EXOC6B: variants seen among roughly 807,000 people sequenced by gnomAD.
The protein encoded by EXOC6B is exocyst complex component 6B, also known as SEC15 homolog B.
A neutral mutation model predicts 113.5 loss-of-function variants in EXOC6B; 54 were observed. The ratio of observed to expected loss-of-function variants is 0.48; its 90% CI spans 0.38 to 0.60. The LOEUF (loss-of-function observed/expected upper bound fraction) is 0.60. Among genes scored for constraint, EXOC6B ranks in the 20% least tolerant of loss-of-function variants. The probability of loss-of-function intolerance (pLI) is 0.00; values close to 1 mark genes in which losing one functional copy is unlikely to be tolerated. For missense variants in EXOC6B, 797 were observed against 977.5 expected (o/e 0.82, Z 2.46); for synonymous variants, 357 against 339.0 (o/e 1.05, Z -0.58).
chr2:72,666,854 G>C (rs929075741), intron 6 of EXOC6B, among the ~76,000 whole-genome samples: 105 of 149,542 alleles, frequency 7.0e-4, no homozygotes, highest in African/African-American at 2.4e-3. Context: ...TCTGATAAAA[G>C]AGAGGAAAGA....
chr2:72,248,838 A>C (rs1205850902), intron 20 of EXOC6B, among the ~76,000 whole-genome samples: 1 of 152,264 alleles, frequency 6.6e-6, no homozygotes, highest in Non-Finnish European at 1.5e-5. Context: ...TAGGAAAGAA[A>C]AACAGATGAA....
intron 18 of EXOC6B, among the ~76,000 whole-genome samples, chr2:72,381,738 C>T (rs569217333): frequency 6.6e-6 from 1 of 152,206 alleles, no homozygotes; most frequent in East Asian, 1.9e-4. Flanking sequence ...AATGACTCTG[C>T]TTATGGTATG....
chr2:72,224,994 G>GTGTGTGTGTGTATATATATATATA (rs908047817), intron 20 of EXOC6B, among the ~76,000 whole-genome samples: 9 of 137,254 alleles, frequency 6.6e-5, no homozygotes, highest in Non-Finnish European at 1.3e-4. Context: ...GTGTGTGTGT[G>GTGTGTGTGTGTATATATATATATA]TATATATATA....
chr2:72,761,770 T>G (rs1464427138), intron 1 of EXOC6B, among the ~76,000 whole-genome samples: 1 of 152,124 alleles, frequency 6.6e-6, no homozygotes, highest in Non-Finnish European at 1.5e-5. Context: ...GTGCCCATAC[T>G]ATAATTAGTA....
At chr2:72,733,465 T>C (rs1680768536) in intron 2 of EXOC6B, among the ~76,000 whole-genome samples, 1 of 152,140 alleles carries the variant, frequency 6.6e-6, no homozygotes, top group Non-Finnish European at 1.5e-5. Context: ...ATACAGATAT[T>C]CCTCATTTCA....
At chr2:72,756,101 G>A (rs1451638069) in intron 1 of EXOC6B, among the ~76,000 whole-genome samples, 2 of 151,984 alleles carry the variant, frequency 1.3e-5, no homozygotes, top group Non-Finnish European at 2.9e-5. Context: ...GTTGGGGCGG[G>A]GGTTGTCAGG....
At chr2:72,773,474 T>C (rs1573774164) in intron 1 of EXOC6B, among the ~76,000 whole-genome samples, 1 of 150,290 alleles carries the variant, frequency 6.7e-6, no homozygotes, top group African/African-American at 2.4e-5. Context: ...GGCAACTATG[T>C]GAGTTGATGA....
chr2:72,371,631 A>G (rs761615928), intron 19 of EXOC6B, among the ~76,000 whole-genome samples: 16 of 152,176 alleles, frequency 1.1e-4, no homozygotes, highest in Non-Finnish European at 1.9e-4. Context: ...GATAAAATTC[A>G]ACATCCCTTC....
chr2:72,578,765 G>C (rs143995441), intron 6 of EXOC6B, among the ~76,000 whole-genome samples: 1 of 151,980 alleles, frequency 6.6e-6, no homozygotes, highest in Non-Finnish European at 1.5e-5. Flanking sequence ...TGATTTTTCA[G>C]AGATAAATGA....
At chr2:72,705,881 C>T (rs770247913) in intron 6 of EXOC6B, among the ~76,000 whole-genome samples, 2 of 152,194 alleles carry the variant, frequency 1.3e-5, no homozygotes, top group Non-Finnish European at 2.9e-5. Flanking sequence ...GCCTCATTCC[C>T]AATCACTGAG....
In EXOC6B at chr2:72,586,459, C is replaced by T. The variant is rs112260242; in HGVS notation, c.670-10791G>A. On this transcript the variant is annotated intron_variant, in intron 6 of 21. Transcript: ENST00000272427. ...AACAGGCACTTCTCAAAAAAAGACA[C>T]ACCGCAAACTTGGCCAGGCGCGGTG... is the stretch of plus-strand genomic sequence containing the variant. Among the ~76,000 whole-genome samples the T allele has an allele frequency of 5.3e-3, 803 of 152,048 alleles. 14 individuals are homozygous for T. Among genetic ancestry groups the T allele is most frequent in the African/African-American group, 0.018 (737 of 41,506 alleles).
chr2:72,309,016 C>A (rs147102293), intron 20 of EXOC6B, among the ~76,000 whole-genome samples: 30 of 152,028 alleles, frequency 2.0e-4, no homozygotes, highest in African/African-American at 7.2e-4. Flanking sequence ...AGAAATGAGA[C>A]TGATTTAAAA....
intron 20 of EXOC6B, among the ~76,000 whole-genome samples, chr2:72,224,653 A>C (rs937564372): frequency 4.6e-5 from 7 of 152,026 alleles, no homozygotes; most frequent in Non-Finnish European, 8.8e-5. Context: ...TATTTGAGAC[A>C]AAGTCTCGCT....
chr2:72,575,451 C>G (rs1558810236), intron 7 of EXOC6B, 41 bp downstream of exon 7: 10 of 1,574,480 alleles, frequency 6.4e-6, no homozygotes, highest in Non-Finnish European at 6.9e-6. Flanking sequence ...ACTATTTAAG[C>G]TTAAAAATAG....
intron 6 of EXOC6B, among the ~76,000 whole-genome samples, chr2:72,671,247 G>A (rs1274209930): frequency 1.3e-5 from 2 of 152,150 alleles, no homozygotes; most frequent in African/African-American, 4.8e-5. Context: ...GGAAGAAAAT[G>A]TTTGCAACCT....
At chr2:72,333,105 T>C (rs1240664212) in intron 20 of EXOC6B, among the ~76,000 whole-genome samples, 1 of 152,150 alleles carries the variant, frequency 6.6e-6, no homozygotes, top group Non-Finnish European at 1.5e-5. Flanking sequence ...GCATACTCTT[T>C]CATTACCAGT....
Position 72,640,359 on chromosome 2 carries a change from G to A in EXOC6B, c.670-64691C>T, listed in dbSNP as rs577601191. 2.6e-5 allele frequency among the ~76,000 whole-genome samples: 4 copies of A among 152,048 alleles called. 1 individual carries two copies. The East Asian group carries it at 5.8e-4, about 22-fold the overall frequency. Reference sequence around the variant, plus strand: ...ATAAACAAAACCTCTAAGAAATACGGGATTATGTAAAGAGACCAAATCTAC... The same window carrying A: ...ATAAACAAAACCTCTAAGAAATACGAGATTATGTAAAGAGACCAAATCTAC... On this transcript the variant is annotated intron_variant, in intron 6 of 21. Transcript: ENST00000272427.
chr2:72,704,059 T>C (rs892067005), intron 6 of EXOC6B, among the ~76,000 whole-genome samples: 11 of 150,850 alleles, frequency 7.3e-5, no homozygotes, highest in African/African-American at 2.7e-4. Context: ...TATTCCAAAA[T>C]TGACCACATA....
In EXOC6B at chr2:72,331,889, G is replaced by A. The variant is rs574428869; in HGVS notation, c.2196+3058C>T. On this transcript the variant is annotated intron_variant, in intron 20 of 21. Transcript: ENST00000272427. ...AAAAGGATGAATAGTTTTGCTATCCGCATCTAATTTGCTTCCTAATGAAAT... is the reference window on the plus strand; with the variant it reads ...AAAAGGATGAATAGTTTTGCTATCCACATCTAATTTGCTTCCTAATGAAAT... Among the ~76,000 whole-genome samples, 14 of 152,164 alleles carry A rather than the reference G, an allele frequency of 9.2e-5. No individual in the cohort carries two copies. In the East Asian group the frequency reaches 1.7e-3, roughly 19 times the overall value.
Sources: gnomAD v4.1 joint callset for allele counts (sites outside exome capture counted in the v4.1 genomes callset) on GRCh38, gnomAD v4.1.1 for gene constraint, MANE v1.5 for transcripts, NCBI Gene and HGNC (gene_info 2026-07-23, HGNC 2026-07-21) for gene names.